Variants in MBOAT7 observed in about 807,000 individuals in gnomAD.
The protein encoded by MBOAT7 is membrane-bound acylglycerophosphatidylinositol O-acyltransferase MBOAT7.
A neutral mutation model predicts 47.4 loss-of-function variants in MBOAT7; 40 were observed. The observed-to-expected ratio is 0.84, with a 90% CI of 0.66 to 1.10. The LOEUF (loss-of-function observed/expected upper bound fraction) is 1.10, where lower values mean the gene tolerates loss of function less well. MBOAT7 is among the 50% of genes least tolerant of loss of function. The probability of loss-of-function intolerance (pLI) is 0.00; values close to 1 mark genes in which losing one functional copy is unlikely to be tolerated. For missense variants in MBOAT7, 680 were observed against 655.6 expected, an observed-to-expected ratio of 1.04 and a Z score of -0.41; for synonymous variants, 361 against 292.0, an observed-to-expected ratio of 1.24 and a Z score of -2.41.
chr19:54,180,339 G>C lies in MBOAT7; in HGVS notation c.854+434C>G, dbSNP rs1357661725. The C allele has an allele frequency of 6.2e-6, 1 of 162,078 alleles. No individual in the cohort carries two copies. Among genetic ancestry groups the C allele is most frequent in the Non-Finnish European group, 1.3e-5 (1 of 75,086 alleles). The allele number at this position is 162,078 out of a possible 1,614,324, so 10.0% of individuals were successfully genotyped here. A position where few individuals can be genotyped will look rare whatever the true frequency, so the allele number is the denominator to read the frequency against. On this transcript the variant is annotated intron_variant, in intron 6 of 7. Transcript: ENST00000245615. The surrounding 1 kb of genome is among the most constrained non-coding windows in gnomAD (Gnocchi z 5.2). The stretch of plus-strand genomic sequence containing the variant: ...AAGGAGGTGAGCTACTGTTGCTAGG[G>C]ATCCTGCTTCCCTAGCAAATAGTGG...
chr19:54,179,177 T>G, intron 6 of MBOAT7: 1 of 586,192 alleles, frequency 1.7e-6, no homozygotes, highest in Non-Finnish European at 3.0e-6. Context: ...CTTCTTCTTT[T>G]GGTACCTAAT....
chr19:54,184,613 AT>A (rs1386217527), intron 4 of MBOAT7, among the ~76,000 whole-genome samples: 1 of 152,008 alleles, frequency 6.6e-6, no homozygotes, highest in East Asian at 1.9e-4. Flanking sequence ...TTTAAAAAAA[AT>A]AATTTTGGCC....
chr19:54,176,692 C>T (rs1334935794), intron 7 of MBOAT7, among the ~76,000 whole-genome samples: 2 of 152,244 alleles, frequency 1.3e-5, no homozygotes, highest in East Asian at 3.9e-4. Context: ...CAGTTGCCCC[C>T]AGTTGAGAAG....
chr19:54,188,015 CA>C (rs1443090898), intron 3 of MBOAT7, among the ~76,000 whole-genome samples: 85 of 78,284 alleles, frequency 1.1e-3, no homozygotes, highest in African/African-American at 4.4e-3. Context: ...AACTCCATCT[CA>C]GAAAGAAAGA....
rs777558477 is a variant in MBOAT7, at chr19:54,177,326, C to T, written c.1031+1439G>A. On this transcript the variant is annotated intron_variant, in intron 7 of 7. Coordinates refer to ENST00000245615, the MANE Select transcript of MBOAT7 (RefSeq NM_024298.5). Reference sequence around the variant, plus strand: ...TTTGTTTGTTTTTGAGACAGAGTCTCGCTCTGTTGCCCAGGCTGGAGTGCA... The same window carrying T: ...TTTGTTTGTTTTTGAGACAGAGTCTTGCTCTGTTGCCCAGGCTGGAGTGCA... 3.9e-5 allele frequency among the ~76,000 whole-genome samples: 6 copies of T among 151,976 alleles called. No homozygotes were observed. In the East Asian group the frequency reaches 5.8e-4, roughly 15 times the overall value.
chr19:54,182,004 AAGGAGGGAAGGAAGGAG>A, intron 5 of MBOAT7, among the ~76,000 whole-genome samples: 2 of 105,452 alleles, frequency 1.9e-5, no homozygotes, highest in African/African-American at 3.9e-5. Context: ...GGAGGGAGGG[AAGGAGGGAAGGAAGGAG>A]GGAGGGAAGG....
chr19:54,187,349 C>A, intron 3 of MBOAT7, 62 bp from the exon 4 acceptor site: 1 of 1,501,474 alleles, frequency 6.7e-7, no homozygotes, highest in South Asian at 1.3e-5. Context: ...GCCACTCACT[C>A]CACGAGTCCA....
chr19:54,187,929 C>T (rs1015568306), intron 3 of MBOAT7, among the ~76,000 whole-genome samples: 3 of 151,798 alleles, frequency 2.0e-5, no homozygotes, highest in African/African-American at 7.3e-5. Flanking sequence ...GCAAGAGAAT[C>T]GCTTGAACCC....
chr19:54,182,373 A>G (rs1418936621), intron 5 of MBOAT7, among the ~76,000 whole-genome samples: 1 of 152,106 alleles, frequency 6.6e-6, no homozygotes, highest in Non-Finnish European at 1.5e-5. Context: ...GGATGGATGG[A>G]GGTTTGTGGG....
chr19:54,182,175 C>T (rs1028697620), intron 5 of MBOAT7, among the ~76,000 whole-genome samples: 1 of 151,108 alleles, frequency 6.6e-6, no homozygotes, highest in Non-Finnish European at 1.5e-5. Context: ...CAGAAGGGAC[C>T]GGGGTTAAAA....
At chr19:54,182,913 C>T (rs868675494) in intron 5 of MBOAT7, among the ~76,000 whole-genome samples, 2 of 152,164 alleles carry the variant, frequency 1.3e-5, no homozygotes, top group Non-Finnish European at 2.9e-5. Flanking sequence ...GTTGGCCAGG[C>T]TGGTCTCAAA....
Position 54,188,487 on chromosome 19 carries a change from A to ACG in MBOAT7, c.20_21dup (p.Tyr8ArgfsTer3). On this transcript the variant is annotated frameshift_variant, in exon 2 of 8. Coordinates refer to ENST00000245615, the MANE Select transcript of MBOAT7 (RefSeq NM_024298.5). LOFTEE classifies it high-confidence loss of function. ...ATGGAGATAAGAAGAACCACTAGAT[A>ACG]CGTCCATTCTTCAGGCGACATGGTC... is the stretch of plus-strand genomic sequence containing the variant. 6.4e-7 allele frequency: 1 copy of ACG among 1,553,990 alleles called. No individual in the cohort carries two copies. Among genetic ancestry groups the ACG allele is most frequent in the Non-Finnish European group, 8.7e-7 (1 of 1,147,992 alleles).
At position 54,180,569 on chromosome 19, in the gene MBOAT7, C is replaced by G. The variant is rs2076233096; in HGVS notation, c.854+204G>C. 1 of 575,624 alleles carries G rather than the reference C, an allele frequency of 1.7e-6. No homozygotes were observed. 35.7% of individuals were successfully genotyped at this position (575,624 alleles called of 1,614,324 possible). On this transcript the variant is annotated intron_variant, in intron 6 of 7. Transcript: ENST00000245615. This position sits in a 1 kb window ranked among gnomAD's most constrained non-coding sequence, Gnocchi z 5.2. ...CACACTGCGGGGTGACAAGCGCTAG[C>G]AACAAGGGGCATCTGTCAGTACCAG... is the stretch of plus-strand genomic sequence containing the variant.
chr19:54,186,448 T>A (rs1431084936), intron 4 of MBOAT7, among the ~76,000 whole-genome samples: 1 of 152,220 alleles, frequency 6.6e-6, no homozygotes, highest in African/African-American at 2.4e-5. Context: ...CAGCCAGGCC[T>A]AGCACGGTGT....
intron 4 of MBOAT7, among the ~76,000 whole-genome samples, chr19:54,185,664 C>T (rs2076409639): frequency 6.6e-6 from 1 of 152,106 alleles, no homozygotes; most frequent in Admixed American, 6.6e-5. Context: ...TTCAATTCTC[C>T]TTCAGCATCC....
chr19:54,177,900 GTTTTTTTTTTTTTT>G lies in MBOAT7; in HGVS notation c.1031+851_1031+864del, dbSNP rs761565984. On this transcript the variant is annotated intron_variant, in intron 7 of 7. Coordinates refer to ENST00000245615, the MANE Select transcript of MBOAT7 (RefSeq NM_024298.5). ...ATGCCTGGCTATGAGTTCTACTTCTGTTTTTTTTTTTTTTTTTTTTTTTTTTTTTTGAGACGGAG... is the reference window on the plus strand; with the variant it reads ...ATGCCTGGCTATGAGTTCTACTTCTGTTTTTTTTTTTTTTTTGAGACGGAG... Among the ~76,000 whole-genome samples the G allele has an allele frequency of 2.4e-4, 18 of 76,000 alleles. No homozygotes were observed. The South Asian group carries it at 3.4e-3, about 14-fold the overall frequency. The allele number at this position is 76,000 out of a possible 152,430, so 49.9% of individuals were successfully genotyped here.
At chr19:54,182,665 T>TACAC (rs1568808095) in intron 5 of MBOAT7, among the ~76,000 whole-genome samples, 1 of 151,970 alleles carries the variant, frequency 6.6e-6, no homozygotes, top group Non-Finnish European at 1.5e-5. Flanking sequence ...TATATACACA[T>TACAC]ACACACATAC....
chr19:54,187,875 C>T lies in MBOAT7; in HGVS notation c.206+342G>A, dbSNP rs186467879. The stretch of plus-strand genomic sequence containing the variant: ...TATTAAAAATTCAAGATTAGCCAGG[C>T]ATGGTGGAGCATGCCTGTAATCCCA... On this transcript the variant is annotated intron_variant, in intron 3 of 7. Coordinates refer to ENST00000245615, the MANE Select transcript of MBOAT7 (RefSeq NM_024298.5). Among the ~76,000 whole-genome samples, 12 of 152,046 alleles carry T rather than the reference C, an allele frequency of 7.9e-5. 1 individual carries two copies. The East Asian group carries it at 1.7e-3, about 22-fold the overall frequency.
intron 4 of MBOAT7, among the ~76,000 whole-genome samples, chr19:54,184,941 G>A (rs943643492): frequency 2.0e-5 from 3 of 149,896 alleles, no homozygotes; most frequent in African/African-American, 4.9e-5. Flanking sequence ...CAGGTGTGAC[G>A]GCTCACACCT....
Sources: gnomAD v4.1 joint callset for allele counts (sites outside exome capture counted in the v4.1 genomes callset) on GRCh38, gnomAD v4.1.1 for gene constraint, Gnocchi (gnomAD v3.1) non-coding constraint, MANE v1.5 for transcripts, NCBI Gene and HGNC (gene_info 2026-07-23, HGNC 2026-07-21) for gene names.